Variants in MYO1E observed in about 807,000 individuals in gnomAD.
The protein encoded by MYO1E is unconventional myosin-Ie.
A neutral mutation model predicts 151.1 loss-of-function variants in MYO1E; 68 were observed. The observed-to-expected ratio is 0.45, with a 90% CI of 0.37 to 0.55. The LOEUF is 0.55. MYO1E is among the 20% of genes least tolerant of loss of function. The pLI is 0.00. For synonymous variants in MYO1E, 601 were observed against 501.7 expected (o/e 1.20, Z -2.64); for missense variants, 1,363 against 1,389.3 (o/e 0.98, Z 0.30).
At chr15:59,237,540 T>A (rs896168798) in intron 4 of MYO1E, among the ~76,000 whole-genome samples, 12 of 152,336 alleles carry the variant, frequency 7.9e-5, no homozygotes, top group African/African-American at 2.6e-4. Flanking sequence ...GTACCCTTTG[T>A]GTTACCAGGA....
At chr15:59,321,702 G>A (rs1395858452) in intron 1 of MYO1E, among the ~76,000 whole-genome samples, 1 of 152,064 alleles carries the variant, frequency 6.6e-6, no homozygotes, top group Non-Finnish European at 1.5e-5. Context: ...AGGGAGGTGG[G>A]TAAGAACTGA....
chr15:59,345,008 A>C (rs2080786039), intron 1 of MYO1E, among the ~76,000 whole-genome samples: 1 of 152,240 alleles, frequency 6.6e-6, no homozygotes, highest in South Asian at 2.1e-4. Flanking sequence ...TTATTTAGAA[A>C]GACAAACAGA....
intron 1 of MYO1E, among the ~76,000 whole-genome samples, chr15:59,316,357 C>T (rs1468739806): frequency 7.2e-5 from 11 of 152,164 alleles, no homozygotes; most frequent in African/African-American, 2.4e-4. Flanking sequence ...GCTTCCTTGC[C>T]GGCACCCATT....
intron 1 of MYO1E, among the ~76,000 whole-genome samples, chr15:59,288,028 A>T (rs1461498137): frequency 6.6e-6 from 1 of 152,186 alleles, no homozygotes; most frequent in African/African-American, 2.4e-5. Flanking sequence ...ATGGGTTTTG[A>T]ACTGCGTGGT....
intron 1 of MYO1E, among the ~76,000 whole-genome samples, chr15:59,292,904 G>A (rs1322456094): frequency 3.3e-5 from 5 of 152,116 alleles, no homozygotes; most frequent in Admixed American, 2.0e-4. Context: ...GTCTCAGGGG[G>A]ATCTATCCCA....
At chr15:59,289,560 A>G (rs1354756199) in intron 1 of MYO1E, among the ~76,000 whole-genome samples, 1 of 152,240 alleles carries the variant, frequency 6.6e-6, no homozygotes, top group Non-Finnish European at 1.5e-5. Flanking sequence ...TCATCCACCC[A>G]AGACACAGGT....
At chr15:59,163,104 C>T in intron 23 of MYO1E, 53 bp downstream of exon 23, 3 of 1,601,246 alleles carry the variant, frequency 1.9e-6, no homozygotes, top group Non-Finnish European at 2.6e-6. Context: ...GGGGTGCGAT[C>T]AAGACCCCTT....
chr15:59,348,851 A>C (rs1487406824), intron 1 of MYO1E: 1 of 152,182 alleles, frequency 6.6e-6, no homozygotes, highest in African/African-American at 2.4e-5. Flanking sequence ...GGCTGGTTTC[A>C]AACTCCTGAC....
At chr15:59,165,920 T>A (rs2079560725) in intron 22 of MYO1E, among the ~76,000 whole-genome samples, 1 of 152,238 alleles carries the variant, frequency 6.6e-6, no homozygotes. Flanking sequence ...GCATGTCTGG[T>A]CATGCCTGGT....
chr15:59,314,740 T>C lies in MYO1E; in HGVS notation c.4-42291A>G, dbSNP rs183009880. Among the ~76,000 whole-genome samples the C allele has an allele frequency of 3.5e-3, 529 of 152,216 alleles. 1 individual carries two copies. Among genetic ancestry groups the C allele is most frequent in the Non-Finnish European group, 5.3e-3 (362 of 68,000 alleles). On this transcript the variant is annotated intron_variant, in intron 1 of 27. Coordinates refer to ENST00000288235, the MANE Select transcript of MYO1E (RefSeq NM_004998.4). ...ATCTAGTGAGTGGATACCAGGGATG[T>C]AGCTAAACATCCTCCTATGCACAGG... is the stretch of plus-strand genomic sequence containing the variant.
chr15:59,172,056 A>G lies in MYO1E; in HGVS notation c.2335-14T>C. 1 of 1,613,010 alleles carries G rather than the reference A, an allele frequency of 6.2e-7. No individual in the cohort carries two copies. Among genetic ancestry groups the G allele is most frequent in the Admixed American group, 1.7e-5 (1 of 60,006 alleles). ...TCGCTTTACACCCTGTAAGGAGAGGAGCTTTAAGAAGCTGGACAGGCCAGG... is the reference window on the plus strand; with the variant it reads ...TCGCTTTACACCCTGTAAGGAGAGGGGCTTTAAGAAGCTGGACAGGCCAGG... On this transcript the variant is annotated splice_polypyrimidine_tract_variant and intron_variant, in intron 21 of 27. Coordinates refer to ENST00000288235, the MANE Select transcript of MYO1E (RefSeq NM_004998.4).
intron 1 of MYO1E, among the ~76,000 whole-genome samples, chr15:59,284,443 ATTTTAT>A (rs1258980671): frequency 1.3e-4 from 20 of 151,862 alleles, no homozygotes; most frequent in Middle Eastern, 3.2e-3. Context: ...GATGATTACT[ATTTTAT>A]TTTTATTTTT....
chr15:59,301,703 A>ACTGGAGCCTG (rs1218071896), intron 1 of MYO1E, among the ~76,000 whole-genome samples: 9 of 152,204 alleles, frequency 5.9e-5, no homozygotes, highest in Admixed American at 2.0e-4. Flanking sequence ...GAGGCTTAGC[A>ACTGGAGCCTG]CTGGAGCCTG....
At chr15:59,293,896 A>G (rs2080434338) in intron 1 of MYO1E, among the ~76,000 whole-genome samples, 1 of 152,210 alleles carries the variant, frequency 6.6e-6, no homozygotes, top group Admixed American at 6.5e-5. Flanking sequence ...TGCAAAAGTT[A>G]GCCAGGCATG....
At chr15:59,371,838 C>T (rs2080946915) in intron 1 of MYO1E, among the ~76,000 whole-genome samples, 1 of 151,312 alleles carries the variant, frequency 6.6e-6, no homozygotes, top group African/African-American at 2.4e-5. Flanking sequence ...GGCGTGGTTG[C>T]CGCCCGCGCC....
intron 17 of MYO1E, among the ~76,000 whole-genome samples, chr15:59,190,837 AG>A (rs1305445408): frequency 6.6e-5 from 10 of 152,318 alleles, no homozygotes; most frequent in African/African-American, 2.4e-4. Context: ...TAGAGAAGGA[AG>A]TGGATTTTTC....
chr15:59,343,600 ATC>A (rs1471956426), intron 1 of MYO1E, among the ~76,000 whole-genome samples: 4 of 151,600 alleles, frequency 2.6e-5, no homozygotes, highest in African/African-American at 9.7e-5. Flanking sequence ...TTCCACCATT[ATC>A]TCTCTCTCTC....
chr15:59,142,347 A>G (rs559890530), intron 26 of MYO1E, among the ~76,000 whole-genome samples: 2 of 152,272 alleles, frequency 1.3e-5, no homozygotes. Flanking sequence ...GCTTAGATAC[A>G]GGGTCCTCCT....
chr15:59,291,696 AAAAAAAAAAAAAAAAAG>A (rs2080419850), intron 1 of MYO1E, among the ~76,000 whole-genome samples: 1 of 144,264 alleles, frequency 6.9e-6, no homozygotes, highest in Admixed American at 7.0e-5. Flanking sequence ...AAAAAAAAAA[AAAAAAAAAAAAAAAAAG>A]AGAGAGAGAG....
Sources: allele counts gnomAD v4.1 joint callset (sites outside exome capture counted in the v4.1 genomes callset), GRCh38; gene constraint gnomAD v4.1.1; transcripts MANE v1.5; gene names NCBI Gene and HGNC (gene_info 2026-07-23, HGNC 2026-07-21).